Variants in PIK3CB observed in about 807,000 individuals in gnomAD.
PIK3CB encodes the protein phosphatidylinositol-4,5-bisphosphate 3-kinase catalytic subunit beta.
PIK3CB carries 39 observed loss-of-function variants against 136.8 expected under a neutral mutation model. The observed-to-expected ratio is 0.29, with a 90% CI of 0.22 to 0.37. The LOEUF (loss-of-function observed/expected upper bound fraction) is 0.37, where lower values mean the gene tolerates loss of function less well. Ranked by LOEUF, PIK3CB falls within the 10% of genes least tolerant of loss-of-function variation. PIK3CB has a pLI of 1.00. For missense variants in PIK3CB, 868 were observed against 1,275.4 expected (o/e 0.68, Z 4.87); for synonymous variants, 428 against 436.6 (o/e 0.98, Z 0.25).
chr3:138,781,872 C>G (rs1368935706), intron 2 of PIK3CB, among the ~76,000 whole-genome samples: 1 of 151,898 alleles, frequency 6.6e-6, no homozygotes, highest in African/African-American at 2.4e-5. Flanking sequence ...CAGAAGGCCA[C>G]GTTAATGCCA....
chr3:138,759,381 A>G (rs1004264381), intron 2 of PIK3CB, 22 bp from the exon 3 acceptor site: 1 of 1,552,790 alleles, frequency 6.4e-7, no homozygotes, highest in African/African-American at 1.4e-5. Flanking sequence ...TAATTAAAAC[A>G]TAGCAAAACA....
chr3:138,769,420 A>T (rs1302342943), intron 2 of PIK3CB, among the ~76,000 whole-genome samples: 1 of 152,128 alleles, frequency 6.6e-6, no homozygotes, highest in Admixed American at 6.5e-5. Context: ...AGAAAACTAG[A>T]CCCTTAACTA....
At chr3:138,671,178 A>G (rs977974148) in intron 19 of PIK3CB, among the ~76,000 whole-genome samples, 3 of 152,170 alleles carry the variant, frequency 2.0e-5, no homozygotes, top group Non-Finnish European at 4.4e-5. Context: ...TTAATTTTTA[A>G]TGTGTTAAAA....
intron 21 of PIK3CB, 104 bp from the exon 22 acceptor site, chr3:138,657,939 C>T (rs1262558479): frequency 9.6e-7 from 1 of 1,042,218 alleles, no homozygotes; most frequent in Non-Finnish European, 1.4e-6. Context: ...TACCCATCCA[C>T]ATCTGAGCCC....
chr3:138,734,805 C>A lies in PIK3CB; in HGVS notation c.802-1G>T. ...TGTTCATCACACAGTTCCGGATATA[C>A]TATAGGGGCAAGAAAGGGGAAGGTA... On this transcript the variant is annotated splice_acceptor_variant, in intron 6 of 23. Coordinates refer to ENST00000674063, the MANE Select transcript of PIK3CB (RefSeq NM_006219.3). LOFTEE classifies it high-confidence loss of function. 1 of 1,584,784 alleles carries A rather than the reference C, an allele frequency of 6.3e-7. No homozygotes were observed. Among genetic ancestry groups the A allele is most frequent in the Non-Finnish European group, 8.6e-7 (1 of 1,164,964 alleles).
Position 138,694,704 on chromosome 3 carries a change from T to G in PIK3CB, c.1892+82A>C, listed in dbSNP as rs1446268238. The stretch of plus-strand genomic sequence containing the variant: ...AATAATTCTGAGCCCTTTTCTTTCT[T>G]ATGAGACATCAAGGAGACACCCTCA... On this transcript the variant is annotated intron_variant, in intron 14 of 23. Coordinates refer to ENST00000674063, the MANE Select transcript of PIK3CB (RefSeq NM_006219.3). The G allele has an allele frequency of 6.3e-5, 88 of 1,403,194 alleles. 1 individual carries two copies. Among genetic ancestry groups the G allele is most frequent in the African/African-American group, 2.9e-5 (2 of 68,998 alleles). The allele number at this position is 1,403,194 out of a possible 1,614,324, so 86.9% of individuals were successfully genotyped here.
intron 2 of PIK3CB, 124 bp downstream of exon 2, chr3:138,796,337 ATT>A (rs1308723798): frequency 6.9e-6 from 1 of 144,522 alleles, no homozygotes; most frequent in African/African-American, 2.5e-5. Context: ...GTGAGCCGAG[ATT>A]GCACCACTGC....
chr3:138,700,840 G>GT (rs1440344208), intron 12 of PIK3CB, among the ~76,000 whole-genome samples: 44 of 152,210 alleles, frequency 2.9e-4, no homozygotes, highest in Admixed American at 2.9e-3. Flanking sequence ...ACCCACTGCA[G>GT]TAACACTGAT....
intron 1 of PIK3CB, chr3:138,825,828 A>G (rs147412124): frequency 8.7e-7 from 1 of 1,152,750 alleles, no homozygotes; most frequent in African/African-American, 1.5e-5. Context: ...GAAATGCACC[A>G]TGAAGCTTTG....
chr3:138,679,326 A>C (rs2043712988), intron 19 of PIK3CB, among the ~76,000 whole-genome samples: 1 of 152,182 alleles, frequency 6.6e-6, no homozygotes, highest in South Asian at 2.1e-4. Context: ...TTATTTATTT[A>C]TTTATCTATT....
intron 19 of PIK3CB, among the ~76,000 whole-genome samples, chr3:138,674,337 T>C (rs1304487007): frequency 6.6e-6 from 1 of 152,116 alleles, no homozygotes; most frequent in Non-Finnish European, 1.5e-5. Context: ...GTTGAAGGCA[T>C]GACCCAACAT....
chr3:138,672,357 G>C (rs188170229), intron 19 of PIK3CB, among the ~76,000 whole-genome samples: 1 of 152,268 alleles, frequency 6.6e-6, no homozygotes, highest in African/African-American at 2.4e-5. Flanking sequence ...TATGAGGTGT[G>C]ATGGTCTGAA....
rs777486647 is a variant in PIK3CB at position 138,665,067 on chromosome 3, G to C, written c.2641C>G (p.Leu881Val). Residue 881 changes from leucine to valine, a missense_variant, in exon 20 of 24, where the codon CTT becomes GTT. This residue lies in a region of PIK3CB where 165 missense variants were observed against 295.4 expected (regional missense o/e 0.56). Coordinates refer to ENST00000674063, the MANE Select transcript of PIK3CB (RefSeq NM_006219.3). ...TTGTATTCTTTAAGCCAGTTCAGAA[G>C]GGCATCTTTGTTGAAGGCTGCTGCA... ...AAAAAFNKDA[L>V]LNWLKEYNSG... 4 of 1,612,222 alleles carry C rather than the reference G, an allele frequency of 2.5e-6. No homozygotes were observed. Among genetic ancestry groups the C allele is most frequent in the Non-Finnish European group, 3.4e-6 (4 of 1,178,808 alleles).
chr3:138,785,875 G>GA (rs2045977056), intron 2 of PIK3CB, among the ~76,000 whole-genome samples: 1 of 149,044 alleles, frequency 6.7e-6, no homozygotes, highest in Admixed American at 6.7e-5. Context: ...ACATTCACAT[G>GA]AATGTTTAAG....
At chr3:138,780,541 T>C (rs558560336) in intron 2 of PIK3CB, among the ~76,000 whole-genome samples, 1 of 152,370 alleles carries the variant, frequency 6.6e-6, no homozygotes, top group East Asian at 1.9e-4. Flanking sequence ...AGTGCTAGGA[T>C]TACAGGTGTG....
chr3:138,781,456 A>T (rs1018678480), intron 2 of PIK3CB, among the ~76,000 whole-genome samples: 6 of 144,702 alleles, frequency 4.1e-5, no homozygotes, highest in East Asian at 2.0e-4. Flanking sequence ...CTCTACAGAA[A>T]TTTTTTTTTT....
intron 1 of PIK3CB, among the ~76,000 whole-genome samples, chr3:138,805,917 A>G (rs1406661389): frequency 2.0e-5 from 3 of 150,976 alleles, no homozygotes; most frequent in Non-Finnish European, 4.4e-5. Context: ...TTTAGTAGAG[A>G]TGGGGTTTCA....
At chr3:138,814,580 C>T (rs1270332336) in intron 1 of PIK3CB, among the ~76,000 whole-genome samples, 1 of 152,110 alleles carries the variant, frequency 6.6e-6, no homozygotes, top group Non-Finnish European at 1.5e-5. Flanking sequence ...ATATCTCTTC[C>T]CTTTACTTTT....
chr3:138,694,942 G>T (rs760263126), intron 13 of PIK3CB, 35 bp from the exon 14 acceptor site: 4 of 1,572,760 alleles, frequency 2.5e-6, no homozygotes, highest in Non-Finnish European at 1.7e-6. Context: ...AGAAATAATG[G>T]GGGACAAAAG....
Sources: gnomAD v4.1 joint callset for allele counts (sites outside exome capture counted in the v4.1 genomes callset) on GRCh38, gnomAD v4.1.1 for gene constraint, gnomAD v4.1.1 regional missense constraint, MANE v1.5 for transcripts, NCBI Gene and HGNC (gene_info 2026-07-23, HGNC 2026-07-21) for gene names.